The following PDLIM5 variants were observed in gnomAD, a reference collection of about 807,000 sequenced individuals.
PDLIM5 encodes PDZ and LIM domain protein 5.
Under a neutral mutation model 64.2 loss-of-function variants are expected in PDLIM5, and 34 were observed. That is an observed-to-expected ratio of 0.53 (90% confidence interval 0.40 to 0.71). The LOEUF (loss-of-function observed/expected upper bound fraction) is 0.71, where lower values mean the gene tolerates loss of function less well. PDLIM5 is among the 30% of genes least tolerant of loss of function. The pLI is 0.00. For synonymous variants in PDLIM5, 253 were observed against 269.1 expected (o/e 0.94, Z 0.59); for missense variants, 683 against 733.6 (o/e 0.93, Z 0.80).
In PDLIM5 at chr4:94,588,503, C is replaced by T. The variant is rs112534869; in HGVS notation, c.920+2059C>T. ...GCTTGAACCCGGGAGGCGAAGGTTGCGGTGAGCCGAGATTGCACCATTGCA... is the reference window on the plus strand; with the variant it reads ...GCTTGAACCCGGGAGGCGAAGGTTGTGGTGAGCCGAGATTGCACCATTGCA... On this transcript the variant is annotated intron_variant, in intron 7 of 12. Coordinates refer to ENST00000317968, the MANE Select transcript of PDLIM5 (RefSeq NM_006457.5). Among the ~76,000 whole-genome samples the T allele has an allele frequency of 8.9e-3, 1,350 of 152,010 alleles. 26 individuals carry two copies. The highest frequency in any genetic ancestry group is 0.03 in the African/African-American group (1,235 of 41,438).
At chr4:94,487,212 C>T (rs1010891827) in intron 2 of PDLIM5, among the ~76,000 whole-genome samples, 35 of 151,964 alleles carry the variant, frequency 2.3e-4, no homozygotes, top group African/African-American at 7.7e-4. Context: ...AATTTTGCTG[C>T]CTAAAAATAT....
At chr4:94,491,913 G>T (rs974324586) in intron 2 of PDLIM5, among the ~76,000 whole-genome samples, 27 of 151,712 alleles carry the variant, frequency 1.8e-4, no homozygotes, top group African/African-American at 6.5e-4. Flanking sequence ...TGAAACATTT[G>T]AAGTTTATTC....
chr4:94,542,307 C>CAAATAAATAAATAAAT (rs547938931), intron 3 of PDLIM5, among the ~76,000 whole-genome samples: 2,882 of 150,218 alleles, frequency 0.019, 38 homozygotes, highest in African/African-American at 0.021. Context: ...GTGAAACTGT[C>CAAATAAATAAATAAAT]AAATAAATAA....
chr4:94,589,764 T>C (rs1736535754), intron 7 of PDLIM5, among the ~76,000 whole-genome samples: 1 of 151,864 alleles, frequency 6.6e-6, no homozygotes, highest in East Asian at 1.9e-4. Flanking sequence ...TTCTTTCCTT[T>C]TCCTTCTTTC....
chr4:94,467,158 A>G (rs1578202630), intron 2 of PDLIM5, among the ~76,000 whole-genome samples: 1 of 152,194 alleles, frequency 6.6e-6, no homozygotes, highest in Admixed American at 6.5e-5. Context: ...CCCGAGTCTT[A>G]TTTATTCAAG....
At chr4:94,542,318 A>G (rs1476148879) in intron 3 of PDLIM5, among the ~76,000 whole-genome samples, 1 of 151,346 alleles carries the variant, frequency 6.6e-6, no homozygotes, top group Non-Finnish European at 1.5e-5. Context: ...AAATAAATAA[A>G]TAAATAAATA....
intron 3 of PDLIM5, among the ~76,000 whole-genome samples, chr4:94,549,329 T>G (rs1416427230): frequency 6.6e-6 from 1 of 152,212 alleles, no homozygotes; most frequent in Non-Finnish European, 1.5e-5. Context: ...TCCTGTAGAT[T>G]GCCTATTTGT....
intron 3 of PDLIM5, among the ~76,000 whole-genome samples, chr4:94,548,455 C>T (rs1732514519): frequency 6.6e-6 from 1 of 152,156 alleles, no homozygotes; most frequent in Non-Finnish European, 1.5e-5. Flanking sequence ...TTTTGCTTCA[C>T]CCTCTTAGAG....
At chr4:94,616,093 C>G (rs1738762889) in intron 7 of PDLIM5, among the ~76,000 whole-genome samples, 1 of 152,082 alleles carries the variant, frequency 6.6e-6, no homozygotes, top group African/African-American at 2.4e-5. Context: ...TTTGTTATTT[C>G]CAGACTATAT....
At chr4:94,640,519 A>G (rs1053562865) in intron 9 of PDLIM5, 69 bp downstream of exon 9, 13 of 821,610 alleles carry the variant, frequency 1.6e-5, no homozygotes, top group Non-Finnish European at 2.3e-5. Flanking sequence ...TTTTTTTTGC[A>G]TTTGGAAGTA....
In PDLIM5 at chr4:94,663,963, C is replaced by T; in HGVS notation, c.1702-15C>T. 1 of 1,591,370 alleles carries T rather than the reference C, an allele frequency of 6.3e-7. No individual in the cohort carries two copies. Among genetic ancestry groups the T allele is most frequent in the Non-Finnish European group, 8.6e-7 (1 of 1,161,646 alleles). Reference sequence around the variant, plus strand: ...CCTCTTAAATAATATCTCTTAAATGCTGCTTCTTTTTCAGGTGTGTTGTGA... The same window carrying T: ...CCTCTTAAATAATATCTCTTAAATGTTGCTTCTTTTTCAGGTGTGTTGTGA... On this transcript the variant is annotated splice_polypyrimidine_tract_variant and intron_variant, in intron 12 of 12. Coordinates refer to ENST00000317968, the MANE Select transcript of PDLIM5 (RefSeq NM_006457.5).
At chr4:94,521,621 G>A (rs1729836315) in intron 2 of PDLIM5, among the ~76,000 whole-genome samples, 1 of 151,020 alleles carries the variant, frequency 6.6e-6, no homozygotes, top group African/African-American at 2.4e-5. Flanking sequence ...GATCTAGTAT[G>A]TAAAGGGAGC....
At chr4:94,510,952 A>G (rs141973468) in intron 2 of PDLIM5, among the ~76,000 whole-genome samples, 6 of 152,386 alleles carry the variant, frequency 3.9e-5, no homozygotes, top group African/African-American at 1.2e-4. Context: ...TTTGTTGCCC[A>G]CATGAAAAAT....
chr4:94,582,587 T>C (rs75641776), intron 5 of PDLIM5: 10,909 of 611,922 alleles, frequency 0.018, 156 homozygotes, highest in Non-Finnish European at 0.027. Context: ...ATCATTGTTT[T>C]GAATTTTATT....
chr4:94,538,393 C>G (rs193257926), intron 3 of PDLIM5, among the ~76,000 whole-genome samples: 2 of 152,242 alleles, frequency 1.3e-5, no homozygotes, highest in Non-Finnish European at 2.9e-5. Context: ...TTCAAACTTT[C>G]ATTTTGATTT....
intron 3 of PDLIM5, among the ~76,000 whole-genome samples, chr4:94,567,217 T>A (rs1578390536): frequency 1.3e-5 from 2 of 152,278 alleles, no homozygotes; most frequent in East Asian, 3.9e-4. Context: ...ATGATCTCGA[T>A]CTCCTGACCT....
intron 3 of PDLIM5, among the ~76,000 whole-genome samples, chr4:94,570,495 T>C (rs951580023): frequency 1.3e-5 from 2 of 152,226 alleles, no homozygotes; most frequent in African/African-American, 4.8e-5. Flanking sequence ...TATATAACTA[T>C]TTTGTACTTT....
intron 3 of PDLIM5, among the ~76,000 whole-genome samples, chr4:94,564,471 A>G (rs149205041): frequency 0.03 from 4,509 of 152,018 alleles, 108 homozygotes; most frequent in Middle Eastern, 0.071. Context: ...TCCGTACTTC[A>G]GGTTTCTGTT....
intron 2 of PDLIM5, among the ~76,000 whole-genome samples, chr4:94,495,099 CAT>C (rs1369616621): frequency 6.6e-6 from 1 of 152,116 alleles, no homozygotes; most frequent in Non-Finnish European, 1.5e-5. Flanking sequence ...CTGTTTCTGA[CAT>C]ATAATAGTGG....
Sources: gnomAD v4.1 joint callset for allele counts (sites outside exome capture counted in the v4.1 genomes callset) on GRCh38, gnomAD v4.1.1 for gene constraint, MANE v1.5 for transcripts, NCBI Gene and HGNC (gene_info 2026-07-23, HGNC 2026-07-21) for gene names.